The following MAK variants were observed in gnomAD, a reference collection of about 807,000 sequenced individuals.
The protein encoded by MAK is serine/threonine-protein kinase MAK.
A neutral mutation model predicts 82.6 loss-of-function variants in MAK; 65 were observed. That is an observed-to-expected ratio of 0.79 (90% CI 0.64 to 0.97). The LOEUF is 0.97. MAK is among the 50% of genes least tolerant of loss of function. The pLI, the probability that MAK is intolerant of heterozygous loss-of-function variation, is 0.00. For missense variants in MAK, 703 were observed against 780.2 expected (o/e 0.90, Z 1.18); for synonymous variants, 250 against 274.2 (o/e 0.91, Z 0.87).
At chr6:10,784,651 C>G in intron 10 of MAK, 79 bp from the exon 11 acceptor site, 1 of 1,330,284 alleles carries the variant, frequency 7.5e-7, no homozygotes, top group South Asian at 1.2e-5. Context: ...CTCGCCCACC[C>G]TCTGCACATC....
At chr6:10,822,031 C>T (rs1301541064) in intron 2 of MAK, among the ~76,000 whole-genome samples, 1 of 150,516 alleles carries the variant, frequency 6.6e-6, no homozygotes, top group Non-Finnish European at 1.5e-5. Flanking sequence ...CCTGTAGTCC[C>T]AGCTACTTGG....
At chr6:10,796,998 A>G (rs533112190) in intron 8 of MAK, among the ~76,000 whole-genome samples, 56 of 152,306 alleles carry the variant, frequency 3.7e-4, no homozygotes, top group African/African-American at 1.3e-3. Context: ...TTTAGAGTAC[A>G]CTCAAAGACA....
Position 10,796,266 on chromosome 6 carries a change from G to T in MAK, c.875C>A (p.Pro292His). ...TTTTGATTCCAGATGATTTGACGAA[G>T]GGCCTAATACCTGACCAACTTGAAA... The part of the protein sequence containing the change: ...PYFQVGQVLG[P>H]SSNHLESKQS... Residue 292 changes from proline to histidine, a missense_variant, in exon 9 of 15, where the codon CCT (proline) becomes CAT (histidine). Pro to His is a moderately conservative substitution (Grantham distance 77). Coordinates refer to ENST00000354489, the MANE Select transcript of MAK (RefSeq NM_001242957.3). 6.2e-7 allele frequency: 1 copy of T among 1,613,696 alleles called. No homozygotes were observed. The highest frequency in any genetic ancestry group is 1.7e-5 in the Admixed American group (1 of 59,956).
Position 10,836,275 on chromosome 6 carries a change from C to A in MAK, c.-230+2228G>T, listed in dbSNP as rs115757011. 9.7e-3 allele frequency among the ~76,000 whole-genome samples: 1,475 copies of A among 152,232 alleles called. 27 individuals carry two copies. Among genetic ancestry groups the A allele is most frequent in the African/African-American group, 0.034 (1,403 of 41,530 alleles). On this transcript the variant is annotated intron_variant, in intron 1 of 14. Coordinates refer to ENST00000354489, the MANE Select transcript of MAK (RefSeq NM_001242957.3). Reference sequence around the variant, plus strand: ...TCTGTCCCATTTAAGCCCTACCTAACCTTTAAGTAAAACAACTTTACATAC... The same window carrying A: ...TCTGTCCCATTTAAGCCCTACCTAAACTTTAAGTAAAACAACTTTACATAC...
rs1581644696 is a variant in MAK at position 10,773,026 on chromosome 6, G to A, written c.1672+8C>T. ...ACAAACTGCATTCATCTGACGCCCA[G>A]AAATTACCTTGTGGGTCCTCTAATT... On this transcript the variant is annotated splice_region_variant and intron_variant, in intron 13 of 14. Transcript: ENST00000354489. 6.6e-7 allele frequency: 1 copy of A among 1,520,224 alleles called. No homozygotes were observed. The highest frequency in any genetic ancestry group is 2.5e-5 in the East Asian group (1 of 40,784). The allele number at this position is 1,520,224 out of a possible 1,614,324, so 94.2% of individuals were successfully genotyped here. A position where few individuals can be genotyped will look rare whatever the true frequency, so the allele number is the denominator to read the frequency against.
intron 10 of MAK, among the ~76,000 whole-genome samples, chr6:10,789,197 C>G (rs935545508): frequency 2.0e-5 from 3 of 151,646 alleles, no homozygotes; most frequent in Non-Finnish European, 4.4e-5. Flanking sequence ...CAAGCATATG[C>G]ACTCCTTAGA....
At chr6:10,829,141 T>C (rs1315173549) in intron 2 of MAK, 1 of 152,240 alleles carries the variant, frequency 6.6e-6, no homozygotes, top group Non-Finnish European at 1.5e-5. Flanking sequence ...CCAGCTAAGC[T>C]ACTTCTAAAT....
chr6:10,793,562 C>T lies in MAK; in HGVS notation c.1144-1715G>A, dbSNP rs935781114. On this transcript the variant is annotated intron_variant, in intron 9 of 14. Transcript: ENST00000354489. This position sits in a 1 kb window ranked among gnomAD's most constrained non-coding sequence, Gnocchi z 4.6. ...AGATGAAATACACAAGTCAGAGGTA[C>T]AGAATATGCAATTTAGGAGAAGCAT... is the stretch of plus-strand genomic sequence containing the variant. Among the ~76,000 whole-genome samples the T allele has an allele frequency of 4.6e-5, 7 of 152,098 alleles. No individual in the cohort carries two copies. Among genetic ancestry groups the T allele is most frequent in the African/African-American group, 9.7e-5 (4 of 41,406 alleles).
intron 11 of MAK, among the ~76,000 whole-genome samples, chr6:10,784,117 C>T (rs1774293626): frequency 6.6e-6 from 1 of 150,964 alleles, no homozygotes. Context: ...GTAATGGGGG[C>T]ATAGAATTGG....
Position 10,790,010 on chromosome 6 carries a change from C to A in MAK, c.1316+1665G>T, listed in dbSNP as rs149775120. Among the ~76,000 whole-genome samples, 4 of 152,306 alleles carry A rather than the reference C, an allele frequency of 2.6e-5. No homozygotes were observed. The East Asian group carries it at 7.7e-4, about 29-fold the overall frequency. On this transcript the variant is annotated intron_variant, in intron 10 of 14. Coordinates refer to ENST00000354489, the MANE Select transcript of MAK (RefSeq NM_001242957.3). ...GTAAATGAAACCATGGAAGGTGAAA[C>A]TGCAGATTCAGGGGACTACTGTACC...
intron 11 of MAK, among the ~76,000 whole-genome samples, chr6:10,782,196 ACT>A (rs1774042559): frequency 1.4e-5 from 2 of 147,304 alleles, no homozygotes; most frequent in Admixed American, 6.9e-5. Flanking sequence ...AACGAGTGAA[ACT>A]CTGTCACACA....
chr6:10,824,567 C>T (rs769449173), intron 2 of MAK, among the ~76,000 whole-genome samples: 2 of 151,082 alleles, frequency 1.3e-5, no homozygotes, highest in Non-Finnish European at 2.9e-5. Flanking sequence ...CCAGTCTCCC[C>T]TCTCCTGCCT....
chr6:10,819,990 T>G (rs1777800559), intron 2 of MAK, among the ~76,000 whole-genome samples: 1 of 151,794 alleles, frequency 6.6e-6, no homozygotes, highest in African/African-American at 2.4e-5. Context: ...CGGGCACCTG[T>G]AGTCCCAGCT....
At chr6:10,781,734 T>C (rs1309489775) in intron 11 of MAK, among the ~76,000 whole-genome samples, 1 of 152,146 alleles carries the variant, frequency 6.6e-6, no homozygotes, top group Non-Finnish European at 1.5e-5. Context: ...TCATTAACTA[T>C]TTTAATAAGA....
intron 14 of MAK, among the ~76,000 whole-genome samples, chr6:10,767,660 G>A (rs1204450985): frequency 1.3e-5 from 2 of 151,952 alleles, no homozygotes; most frequent in East Asian, 1.9e-4. Context: ...GTGGTGGCAC[G>A]CACCTGTAGT....
chr6:10,818,406 G>A (rs1223904669), intron 3 of MAK, among the ~76,000 whole-genome samples: 1 of 152,200 alleles, frequency 6.6e-6, no homozygotes, highest in Non-Finnish European at 1.5e-5. Context: ...CTGAGGTCAG[G>A]AGTTGCAGAC....
chr6:10,829,939 C>T (rs1051097259), intron 2 of MAK, among the ~76,000 whole-genome samples: 7 of 151,642 alleles, frequency 4.6e-5, no homozygotes, highest in East Asian at 1.9e-4. Context: ...CAGGTTGAAG[C>T]GATTCTCGTG....
intron 14 of MAK, among the ~76,000 whole-genome samples, chr6:10,769,821 A>G (rs1772827933): frequency 6.6e-6 from 1 of 152,222 alleles, no homozygotes; most frequent in African/African-American, 2.4e-5. Context: ...AGATCTAGCT[A>G]CATCATCAGG....
chr6:10,808,580 A>G (rs1320110246), intron 6 of MAK, among the ~76,000 whole-genome samples: 2 of 152,152 alleles, frequency 1.3e-5, no homozygotes, highest in African/African-American at 2.4e-5. Flanking sequence ...TAGGTGTTCA[A>G]TAAATATTTG....
Sources: gnomAD v4.1 joint callset for allele counts (sites outside exome capture counted in the v4.1 genomes callset) on GRCh38, gnomAD v4.1.1 for gene constraint, Gnocchi (gnomAD v3.1) non-coding constraint, MANE v1.5 for transcripts, NCBI Gene and HGNC (gene_info 2026-07-23, HGNC 2026-07-21) for gene names.